Variants in SYN2 observed in about 807,000 individuals in gnomAD.
SYN2 encodes synapsin-2.
In SYN2, 19 loss-of-function variants were observed where a neutral mutation model predicts 50.9. The observed-to-expected ratio is 0.37, with a 90% CI of 0.26 to 0.55. The LOEUF is 0.55. SYN2 is among the 20% of genes least tolerant of loss of function. The pLI, the probability that SYN2 is intolerant of heterozygous loss-of-function variation, is 0.81. For synonymous variants in SYN2, 255 were observed against 224.9 expected, an observed-to-expected ratio of 1.13 and a Z score of -1.20; for missense variants, 587 against 576.4, an observed-to-expected ratio of 1.02 and a Z score of -0.19.
At chr3:12,127,517 A>G (rs757039669) in intron 1 of SYN2, among the ~76,000 whole-genome samples, 5 of 152,144 alleles carry the variant, frequency 3.3e-5, no homozygotes, top group Non-Finnish European at 7.4e-5. Flanking sequence ...GCATCTGGGA[A>G]CCTGTGGCAT....
chr3:12,127,841 A>G (rs916869431), intron 1 of SYN2, among the ~76,000 whole-genome samples: 30 of 152,226 alleles, frequency 2.0e-4, no homozygotes, highest in Admixed American at 5.2e-4. Flanking sequence ...CCTTGCAGCA[A>G]TTTGCTCTAC....
At chr3:12,098,556 AC>A (rs1404097139) in intron 1 of SYN2, among the ~76,000 whole-genome samples, 3 of 152,016 alleles carry the variant, frequency 2.0e-5, no homozygotes, top group African/African-American at 7.2e-5. Flanking sequence ...TAAGAAAGTA[AC>A]TTTTTAAAAA....
chr3:12,083,146 G>T (rs1695616569), intron 1 of SYN2, among the ~76,000 whole-genome samples: 1 of 152,056 alleles, frequency 6.6e-6, no homozygotes, highest in African/African-American at 2.4e-5. Context: ...TGAGTAGCTG[G>T]GATTACAGGT....
intron 1 of SYN2, among the ~76,000 whole-genome samples, chr3:12,079,325 CTT>C (rs1479822429): frequency 6.6e-6 from 1 of 152,114 alleles, no homozygotes; most frequent in Non-Finnish European, 1.5e-5. Flanking sequence ...CTGGCCAGAA[CTT>C]TCAATATTAT....
intron 1 of SYN2, among the ~76,000 whole-genome samples, chr3:12,009,014 C>G (rs1284251647): frequency 6.8e-6 from 1 of 147,232 alleles, no homozygotes; most frequent in Non-Finnish European, 1.5e-5. Flanking sequence ...CTGCTTGAAC[C>G]AGTGCTTGTG....
chr3:12,035,125 A>C (rs1694468954), intron 1 of SYN2, among the ~76,000 whole-genome samples: 2 of 152,210 alleles, frequency 1.3e-5, no homozygotes, highest in South Asian at 4.1e-4. Flanking sequence ...ACAGGTCCCA[A>C]GTAAGTCCAA....
chr3:12,118,678 G>A (rs1696486812), intron 1 of SYN2, among the ~76,000 whole-genome samples: 3 of 151,930 alleles, frequency 2.0e-5, no homozygotes, highest in Admixed American at 6.6e-5. Flanking sequence ...AAGTTTAGGG[G>A]GTCCATATTT....
intron 1 of SYN2, among the ~76,000 whole-genome samples, chr3:12,136,033 G>T (rs1019604315): frequency 2.0e-5 from 3 of 152,178 alleles, no homozygotes; most frequent in Non-Finnish European, 4.4e-5. Context: ...GGTCTGAGGC[G>T]TAGGTGGGGG....
intron 1 of SYN2, among the ~76,000 whole-genome samples, chr3:12,042,633 C>T (rs1341485850): frequency 1.3e-5 from 2 of 152,144 alleles, no homozygotes; most frequent in South Asian, 2.1e-4. Flanking sequence ...TGGCCCTCCC[C>T]ATCCCCCAAT....
chr3:12,091,152 T>G (rs1273293477), intron 1 of SYN2, among the ~76,000 whole-genome samples: 1 of 152,120 alleles, frequency 6.6e-6, no homozygotes, highest in African/African-American at 2.4e-5. Context: ...TAGAGAAATT[T>G]AAGTTTATGT....
At chr3:12,050,204 A>G (rs1318173915) in intron 1 of SYN2, among the ~76,000 whole-genome samples, 2 of 152,008 alleles carry the variant, frequency 1.3e-5, no homozygotes, top group Non-Finnish European at 2.9e-5. Context: ...CCCAGCCTCG[A>G]CAGTTCTTAG....
At chr3:12,181,299 G>C (rs1006489332) in intron 10 of SYN2, among the ~76,000 whole-genome samples, 3 of 152,242 alleles carry the variant, frequency 2.0e-5, no homozygotes, top group Admixed American at 6.5e-5. Context: ...TGGGCATGAG[G>C]CCCTGGGGGA....
chr3:12,033,019 C>T (rs1694413141), intron 1 of SYN2, among the ~76,000 whole-genome samples: 1 of 138,164 alleles, frequency 7.2e-6, no homozygotes, highest in African/African-American at 2.8e-5. Context: ...GTTTTATCTA[C>T]TTTTGGTCTT....
At chr3:12,044,209 A>ACACCCC (rs1367259978) in intron 1 of SYN2, among the ~76,000 whole-genome samples, 2 of 134,044 alleles carry the variant, frequency 1.5e-5, no homozygotes, top group African/African-American at 2.5e-5. Flanking sequence ...ACACACACAC[A>ACACCCC]CACACACACA....
chr3:12,140,540 G>A (rs1696990779), intron 1 of SYN2, 111 bp from the exon 2 acceptor site: 1 of 710,540 alleles, frequency 1.4e-6, no homozygotes, highest in East Asian at 2.7e-5. Context: ...CAGGTCTCTT[G>A]ACCCTCATTC....
Position 12,168,470 on chromosome 3 carries a change from A to G in SYN2, c.1150A>G (p.Ile384Val), listed in dbSNP as rs1392778499. The change falls in exon 9 of 13, where the codon ATT (isoleucine) becomes GTT (valine). Residue 384 changes from isoleucine to valine, a missense_variant. By Grantham distance (29) the Ile-to-Val change is conservative. Coordinates refer to ENST00000621198, the MANE Select transcript of SYN2 (RefSeq NM_133625.6). ...ACATGGCAAAGATGGGAAAGACTAC[A>G]TTTTTGAGGTAAGTCTGGACCAAGC... ...AVHGKDGKDY[I>V]FEVMDCSMPL... 3 of 1,613,542 alleles carry G rather than the reference A, an allele frequency of 1.9e-6. No homozygotes were observed. The highest frequency in any genetic ancestry group is 1.3e-5 in the African/African-American group (1 of 74,916).
chr3:12,051,750 T>C (rs1316938699), intron 1 of SYN2, among the ~76,000 whole-genome samples: 2 of 152,212 alleles, frequency 1.3e-5, no homozygotes, highest in Non-Finnish European at 2.9e-5. Flanking sequence ...ATTCCTTAAA[T>C]GGGTCAGTTG....
chr3:12,049,790 G>A (rs1046396217), intron 1 of SYN2, among the ~76,000 whole-genome samples: 1 of 152,130 alleles, frequency 6.6e-6, no homozygotes, highest in African/African-American at 2.4e-5. Flanking sequence ...ATCTGCCTGG[G>A]TGGTTGACAG....
At chr3:12,068,112 G>A (rs932457612) in intron 1 of SYN2, among the ~76,000 whole-genome samples, 1 of 152,162 alleles carries the variant, frequency 6.6e-6, no homozygotes, top group African/African-American at 2.4e-5. Flanking sequence ...AATGTAATAA[G>A]TGTATTTGAT....
Sources: gnomAD v4.1 joint callset for allele counts (sites outside exome capture counted in the v4.1 genomes callset) on GRCh38, gnomAD v4.1.1 for gene constraint, MANE v1.5 for transcripts, NCBI Gene and HGNC (gene_info 2026-07-23, HGNC 2026-07-21) for gene names.